The following NEBL variants were observed in gnomAD, a reference collection of about 807,000 sequenced individuals.
NEBL encodes the protein nebulette, also known as LIM and SH3 protein 2.
NEBL carries 122 observed loss-of-function variants against 140.2 expected under a neutral mutation model. That is an observed-to-expected ratio of 0.87 (90% CI 0.75 to 1.01). The LOEUF (loss-of-function observed/expected upper bound fraction) is 1.01. Ranked by LOEUF, NEBL falls within the 50% of genes least tolerant of loss-of-function variation. NEBL has a pLI of 0.00. For missense variants in NEBL, 1,365 were observed against 1,231.3 expected, an observed-to-expected ratio of 1.11 and a Z score of -1.62; for synonymous variants, 436 against 398.9, an observed-to-expected ratio of 1.09 and a Z score of -1.11.
chr10:21,125,823 T>C (rs1838798669), intron 2 of NEBL: 1 of 1,604,860 alleles, frequency 6.2e-7, no homozygotes, highest in Non-Finnish European at 8.5e-7. Flanking sequence ...CTTCAGACAT[T>C]TACAAAAAAG....
intron 2 of NEBL, among the ~76,000 whole-genome samples, chr10:21,069,730 C>T (rs753675901): frequency 3.9e-5 from 6 of 152,144 alleles, no homozygotes; most frequent in Non-Finnish European, 8.8e-5. Context: ...AATCTCATTG[C>T]TAAGGATCAC....
chr10:20,883,463 A>G (rs558648514), intron 4 of NEBL, among the ~76,000 whole-genome samples: 1 of 152,322 alleles, frequency 6.6e-6, no homozygotes, highest in Admixed American at 6.5e-5. Context: ...GAAACCCTTT[A>G]AGAACCTCCA....
chr10:20,928,817 C>T (rs1174589532), intron 4 of NEBL, among the ~76,000 whole-genome samples: 1 of 152,168 alleles, frequency 6.6e-6, no homozygotes, highest in African/African-American at 2.4e-5. Flanking sequence ...TTAAAGCACG[C>T]TTTTGTAGCT....
Position 21,173,640 on chromosome 10 carries a change from G to A in NEBL, c.69+125C>T. ...GTCTTCGTTCGCGCGCCCTCCCCCC[G>A]TGCCAAGGCACACGCACACGCACCG... On this transcript the variant is annotated intron_variant, in intron 1 of 6. Coordinates refer to the NEBL transcript ENST00000417816. This position sits in a 1 kb window ranked among gnomAD's most constrained non-coding sequence, Gnocchi z 5.7. The A allele has an allele frequency of 6.6e-7, 1 of 1,511,388 alleles. No individual in the cohort carries two copies. 93.6% of individuals were successfully genotyped at this position (1,511,388 alleles called of 1,614,324 possible).
chr10:21,233,828 CAT>C (rs1320184631), intron 3 of NEBL, among the ~76,000 whole-genome samples: 1 of 124,510 alleles, frequency 8.0e-6, no homozygotes, highest in African/African-American at 2.9e-5. Context: ...CATATATATG[CAT>C]ATATATGGAT....
At chr10:20,904,823 T>C (rs1848021952) in intron 4 of NEBL, among the ~76,000 whole-genome samples, 1 of 152,252 alleles carries the variant, frequency 6.6e-6, no homozygotes, top group South Asian at 2.1e-4. Flanking sequence ...AAGAAGCTCT[T>C]TGCTTGGCTG....
chr10:21,239,873 G>A (rs190198983), intron 3 of NEBL, among the ~76,000 whole-genome samples: 54 of 152,092 alleles, frequency 3.6e-4, no homozygotes, highest in African/African-American at 4.3e-4. Context: ...AAAATTAGCC[G>A]GGCATCGTGG....
At position 20,897,045 on chromosome 10, in the gene NEBL, G is replaced by T. The variant is rs199531054; in HGVS notation, c.82-16C>A. 3.7e-5 allele frequency: 59 copies of T among 1,610,104 alleles called. No homozygotes were observed. The highest frequency in any genetic ancestry group is 3.3e-4 in the Middle Eastern group (2 of 6,080). ...TATAGAAGACCTATTTGAAAAAAAA[G>T]AAAAGAACAGAAAGAACATTTTTCT... On this transcript the variant is annotated splice_polypyrimidine_tract_variant and intron_variant, in intron 1 of 27. Transcript: ENST00000377122.
intron 26 of NEBL, among the ~76,000 whole-genome samples, chr10:20,805,604 G>T (rs1473380032): frequency 6.6e-6 from 1 of 152,092 alleles, no homozygotes; most frequent in African/African-American, 2.4e-5. Context: ...TGTAATCCTG[G>T]CATTTTGGGA....
At chr10:20,936,209 T>G (rs1834475209) in intron 4 of NEBL, among the ~76,000 whole-genome samples, 1 of 152,220 alleles carries the variant, frequency 6.6e-6, no homozygotes, top group Admixed American at 6.5e-5. Context: ...TAATATTTAA[T>G]TCTCATAAAA....
rs545304490 is a variant in NEBL, at chr10:21,161,931, A to T, written c.164+10452T>A. On this transcript the variant is annotated intron_variant, in intron 2 of 6. Transcript: ENST00000417816. Reference sequence around the variant, plus strand: ...AGCTCCTTGGACCATATCTAAGGGGATGTGATCAAGGTGGCTCAGTGCACC... The same window carrying T: ...AGCTCCTTGGACCATATCTAAGGGGTTGTGATCAAGGTGGCTCAGTGCACC... Among the ~76,000 whole-genome samples the T allele has an allele frequency of 2.6e-4, 40 of 152,270 alleles. No homozygotes were observed. In the South Asian group the frequency reaches 8.3e-3, roughly 32 times the overall value.
chr10:21,089,334 A>C (rs551400779), intron 2 of NEBL, among the ~76,000 whole-genome samples: 1 of 152,288 alleles, frequency 6.6e-6, no homozygotes, highest in East Asian at 1.9e-4. Context: ...CTGAACTCCA[A>C]ATATGAACAT....
chr10:21,251,554 C>G (rs2132272886), intron 2 of NEBL, among the ~76,000 whole-genome samples: 1 of 152,316 alleles, frequency 6.6e-6, no homozygotes, highest in African/African-American at 2.4e-5. Context: ...TGTCCCTTCT[C>G]CAAGAGACCT....
chr10:21,029,527 A>G, intron 2 of NEBL: 1 of 1,609,074 alleles, frequency 6.2e-7, no homozygotes, highest in Non-Finnish European at 8.5e-7. Context: ...AGCACAGGAT[A>G]CAGACAGGGA....
At chr10:20,951,143 A>G (rs977929009) in intron 4 of NEBL, among the ~76,000 whole-genome samples, 2 of 152,192 alleles carry the variant, frequency 1.3e-5, no homozygotes, top group African/African-American at 4.8e-5. Flanking sequence ...CTTTGTTACA[A>G]TTGATATAGC....
chr10:20,879,600 G>A (rs139005664), intron 5 of NEBL, among the ~76,000 whole-genome samples: 4 of 152,282 alleles, frequency 2.6e-5, no homozygotes, highest in African/African-American at 7.2e-5. Context: ...ACTCTGCACA[G>A]TGGGACTATG....
intron 2 of NEBL, among the ~76,000 whole-genome samples, chr10:21,098,809 C>T (rs1290609784): frequency 6.6e-6 from 1 of 152,232 alleles, no homozygotes; most frequent in Non-Finnish European, 1.5e-5. Context: ...TTGCCTGTAG[C>T]CACAGGTTTA....
chr10:20,950,515 T>G (rs558003928), intron 4 of NEBL, among the ~76,000 whole-genome samples: 48 of 152,312 alleles, frequency 3.2e-4, no homozygotes, highest in African/African-American at 1.1e-3. Flanking sequence ...GAGGCCCTCA[T>G]GCATCCTAGG....
intron 4 of NEBL, among the ~76,000 whole-genome samples, chr10:20,882,437 A>T (rs1846100053): frequency 6.6e-6 from 1 of 152,160 alleles, no homozygotes; most frequent in East Asian, 1.9e-4. Context: ...GTTTTCAATG[A>T]AAATAATATA....
Sources: gnomAD v4.1 joint callset for allele counts (sites outside exome capture counted in the v4.1 genomes callset) on GRCh38, gnomAD v4.1.1 for gene constraint, Gnocchi (gnomAD v3.1) non-coding constraint, MANE v1.5 for transcripts, NCBI Gene and HGNC (gene_info 2026-07-23, HGNC 2026-07-21) for gene names.